RALGAPA1: variants seen among roughly 807,000 people sequenced by gnomAD.
The protein encoded by RALGAPA1 is ral GTPase-activating protein subunit alpha-1.
Under a neutral mutation model 269.6 loss-of-function variants are expected in RALGAPA1, and 52 were observed. The observed-to-expected ratio is 0.19, with a 90% CI of 0.15 to 0.24. The LOEUF (loss-of-function observed/expected upper bound fraction) is 0.24. Ranked by LOEUF, RALGAPA1 falls within the 10% of genes least tolerant of loss-of-function variation. RALGAPA1 has a pLI of 1.00. For synonymous variants in RALGAPA1, 817 were observed against 1,008.3 expected, an observed-to-expected ratio of 0.81 and a Z score of 3.60; for missense variants, 1,917 against 3,013.9, an observed-to-expected ratio of 0.64 and a Z score of 8.52.
intron 11 of RALGAPA1, among the ~76,000 whole-genome samples, chr14:35,741,469 T>TACAC (rs148995058): frequency 2.0e-5 from 3 of 150,128 alleles, no homozygotes; most frequent in Non-Finnish European, 4.5e-5. Context: ...TATACACGTA[T>TACAC]ACACACACAC....
intron 4 of RALGAPA1, among the ~76,000 whole-genome samples, chr14:35,764,814 T>C (rs998145669): frequency 4.6e-5 from 7 of 152,136 alleles, no homozygotes; most frequent in Admixed American, 3.3e-4. Flanking sequence ...CATCCCAAAG[T>C]GCTGAGATTA....
At chr14:35,644,725 T>G (rs1168806264) in intron 31 of RALGAPA1, among the ~76,000 whole-genome samples, 1 of 152,056 alleles carries the variant, frequency 6.6e-6, no homozygotes, top group East Asian at 1.9e-4. Context: ...CTGAATCTCG[T>G]GGTGTTGGAT....
chr14:35,670,935 A>G (rs1595070501), intron 26 of RALGAPA1, among the ~76,000 whole-genome samples: 3 of 151,278 alleles, frequency 2.0e-5, no homozygotes, highest in African/African-American at 7.3e-5. Flanking sequence ...AAAAAAAAAA[A>G]AGAGAGAGAG....
intron 1 of RALGAPA1, 36 bp from the exon 2 acceptor site, chr14:35,775,781 G>C (rs764864967): frequency 6.8e-7 from 1 of 1,481,456 alleles, no homozygotes; most frequent in South Asian, 1.4e-5. Context: ...TTATTTACAT[G>C]TATGTTAAAT....
chr14:35,669,942 C>T (rs1437887089), intron 26 of RALGAPA1, among the ~76,000 whole-genome samples: 1 of 152,126 alleles, frequency 6.6e-6, no homozygotes, highest in Admixed American at 6.5e-5. Flanking sequence ...CAATAACTGA[C>T]CAAGCATGGT....
intron 1 of RALGAPA1, among the ~76,000 whole-genome samples, chr14:35,805,948 C>CAAGT (rs769932791): frequency 1.3e-5 from 2 of 151,972 alleles, no homozygotes; most frequent in African/African-American, 2.4e-5. Flanking sequence ...TCGGCCTCCC[C>CAAGT]AAGTCCTGGG....
chr14:35,582,561 T>C (rs1489891193), intron 37 of RALGAPA1, among the ~76,000 whole-genome samples: 1 of 152,196 alleles, frequency 6.6e-6, no homozygotes, highest in Non-Finnish European at 1.5e-5. Flanking sequence ...AAAATTGAAC[T>C]GCTGGAAGCT....
intron 37 of RALGAPA1, among the ~76,000 whole-genome samples, chr14:35,588,536 T>G (rs2058450085): frequency 6.6e-6 from 1 of 152,230 alleles, no homozygotes; most frequent in African/African-American, 2.4e-5. Flanking sequence ...TCTAAGATAC[T>G]ATTAATTTTT....
At chr14:35,724,227 A>C (rs576197827) in intron 14 of RALGAPA1, among the ~76,000 whole-genome samples, 1 of 152,158 alleles carries the variant, frequency 6.6e-6, no homozygotes, top group African/African-American at 2.4e-5. Context: ...AGTTAAGAGG[A>C]GTTTAGATGA....
chr14:35,576,832 G>C (rs1200818296), intron 37 of RALGAPA1, among the ~76,000 whole-genome samples: 1 of 152,162 alleles, frequency 6.6e-6, no homozygotes, highest in African/African-American at 2.4e-5. Context: ...GCTGGTTCTA[G>C]AACCTATACT....
At chr14:35,703,484 A>C (rs550732530) in intron 16 of RALGAPA1, among the ~76,000 whole-genome samples, 1 of 152,278 alleles carries the variant, frequency 6.6e-6, no homozygotes, top group Middle Eastern at 3.4e-3. Flanking sequence ...TGCCTCAAAA[A>C]CAAATTTAAA....
At chr14:35,771,323 G>C (rs1197112723) in intron 3 of RALGAPA1, among the ~76,000 whole-genome samples, 1 of 152,066 alleles carries the variant, frequency 6.6e-6, no homozygotes, top group African/African-American at 2.4e-5. Flanking sequence ...GAACCCAAGA[G>C]GCAGAGGTTA....
At chr14:35,727,883 A>G (rs117762845) in intron 13 of RALGAPA1, among the ~76,000 whole-genome samples, 2,038 of 152,326 alleles carry the variant, frequency 0.013, 23 homozygotes, top group Middle Eastern at 0.065. Context: ...TGCCCAGGGA[A>G]GAACAACTTG....
chr14:35,801,013 G>A (rs1214479244), intron 1 of RALGAPA1, among the ~76,000 whole-genome samples: 2 of 146,954 alleles, frequency 1.4e-5, no homozygotes, highest in African/African-American at 2.5e-5. Flanking sequence ...CCTGCGTCCC[G>A]CCTCCAAAAA....
At chr14:35,628,965 A>T (rs2061154389) in intron 33 of RALGAPA1, among the ~76,000 whole-genome samples, 1 of 151,950 alleles carries the variant, frequency 6.6e-6, no homozygotes, top group African/African-American at 2.4e-5. Flanking sequence ...AAGATGCCCA[A>T]TGTCAGAATC....
intron 18 of RALGAPA1, among the ~76,000 whole-genome samples, chr14:35,687,034 G>T (rs1213441791): frequency 6.6e-6 from 1 of 152,050 alleles, no homozygotes; most frequent in Non-Finnish European, 1.5e-5. Flanking sequence ...CCCAAAGAAC[G>T]TTTGCAGGGA....
intron 39 of RALGAPA1, among the ~76,000 whole-genome samples, chr14:35,557,966 A>C (rs939170917): frequency 2.0e-5 from 3 of 152,198 alleles, no homozygotes; most frequent in Non-Finnish European, 4.4e-5. Context: ...TCTGAAAATA[A>C]GCATTAATTT....
chr14:35,624,966 A>G (rs1302442147), intron 35 of RALGAPA1, among the ~76,000 whole-genome samples: 2 of 152,018 alleles, frequency 1.3e-5, no homozygotes, highest in Non-Finnish European at 2.9e-5. Context: ...CGAGGCGGGC[A>G]GATCACAAGG....
At chr14:35,649,761 A>C (rs963643676) in intron 31 of RALGAPA1, among the ~76,000 whole-genome samples, 1 of 151,962 alleles carries the variant, frequency 6.6e-6, no homozygotes, top group Admixed American at 6.6e-5. Context: ...TCTACTTTTT[A>C]TACTATTTAT....
Sources: allele counts gnomAD v4.1 joint callset (sites outside exome capture counted in the v4.1 genomes callset), GRCh38; gene constraint gnomAD v4.1.1; transcripts MANE v1.5; gene names NCBI Gene and HGNC (gene_info 2026-07-23, HGNC 2026-07-21).